Variants in OR52N4 observed in about 807,000 individuals in gnomAD.
The protein encoded by OR52N4 is olfactory receptor family 52 subfamily N member 4.
A neutral mutation model predicts 15.0 loss-of-function variants in OR52N4; 15 were observed. The ratio of observed to expected loss-of-function variants is 1.00; its 90% CI spans 0.67 to 1.54. OR52N4 has a LOEUF of 1.54. Among genes scored for constraint, OR52N4 ranks in the 40% most tolerant of loss-of-function variants. The pLI is 0.00. For synonymous variants in OR52N4, 143 were observed against 143.7 expected, an observed-to-expected ratio of 1.00 and a Z score of 0.03; for missense variants, 421 against 394.0, an observed-to-expected ratio of 1.07 and a Z score of -0.58.
upstream of OR52N4, among the ~76,000 whole-genome samples, chr11:5,753,623 T>C (rs4561239): frequency 0.17 from 26,203 of 151,988 alleles, 2,403 homozygotes; most frequent in East Asian, 0.25. Context: ...AATTTTAAAT[T>C]TTTGTGGGCA....
rs761780145 is a variant in OR52N4, at chr11:5,755,111, G to A, written c.371G>A (p.Arg124His). The change falls in exon 2 of 2, where the codon CGC becomes CAC. Residue 124 changes from arginine to histidine, a missense_variant. By Grantham distance (29) the Arg-to-His change is conservative. Coordinates refer to ENST00000641350, the MANE Select transcript of OR52N4 (RefSeq NM_001005175.5). ...GTGCTTATGCTTATGGCCCTGGATC[G>A]CTATGTGGCCATCTGCTACCCCTTA... ...SGVLMLMALD[R>H]YVAICYPLRY... 1.1e-5 allele frequency: 18 copies of A among 1,613,924 alleles called. No homozygotes were observed. The highest frequency in any genetic ancestry group is 9.3e-5 in the African/African-American group (7 of 74,988).
At chr11:5,748,161 T>TG in the OR52N4 span, among the ~76,000 whole-genome samples, 3 of 152,032 alleles carry the variant, frequency 2.0e-5, no homozygotes, top group African/African-American at 7.2e-5. Context: ...AAATTAAAAT[T>TG]GTAATATTTA....
chr11:5,737,420 C>T, the OR52N4 span: 754 of 1,614,066 alleles, frequency 4.7e-4, 3 homozygotes, highest in African/African-American at 4.5e-3. Flanking sequence ...AGTTTATGCA[C>T]TTCAGACCAA....
chr11:5,751,452 CT>C (rs1854189991), upstream of OR52N4, among the ~76,000 whole-genome samples: 1 of 151,450 alleles, frequency 6.6e-6, no homozygotes, highest in South Asian at 2.1e-4. Flanking sequence ...AAAACTTTCT[CT>C]TTTTTTTCCT....
Position 5,755,608 on chromosome 11 carries a change from A to G in OR52N4, c.868A>G (p.Met290Val). 1 of 1,613,728 alleles carries G rather than the reference A, an allele frequency of 6.2e-7. No homozygotes were observed. Among genetic ancestry groups the G allele is most frequent in the Non-Finnish European group, 8.5e-7 (1 of 1,179,792 alleles). ...ANIYLLLPPT[M>V]NPIVYGVKTK... ...TATTTATCTGCTCCTACCACCCACT[A>G]TGAACCCTATTGTCTATGGGGTGAA... The change falls in exon 2 of 2, where the codon ATG (methionine) becomes GTG (valine). Residue 290 changes from methionine (M) to valine (V), a missense_variant. Coordinates refer to ENST00000641350, the MANE Select transcript of OR52N4 (RefSeq NM_001005175.5).
At chr11:5,752,812 C>T (rs1854217666), upstream of OR52N4, among the ~76,000 whole-genome samples, 2 of 152,112 alleles carry the variant, frequency 1.3e-5, no homozygotes, top group Admixed American at 1.3e-4. Context: ...TTATCACTCT[C>T]TCTCACTTTT....
chr11:5,754,684 T>TTA lies in OR52N4; in HGVS notation c.-48-9_-48-8insTA. 6.7e-7 allele frequency: 1 copy of TTA among 1,487,990 alleles called. No individual in the cohort carries two copies. The highest frequency in any genetic ancestry group is 1.4e-5 in the South Asian group (1 of 71,580). 92.2% of individuals were successfully genotyped at this position (1,487,990 alleles called of 1,614,324 possible). ...CTATATTTTCTCTTGTTTTTTTTTTTAACTCTAGGAAAGCCCAGACAAATT... is the reference window on the plus strand; with the variant it reads ...CTATATTTTCTCTTGTTTTTTTTTTTTAAACTCTAGGAAAGCCCAGACAAATT... On this transcript the variant is annotated splice_polypyrimidine_tract_variant and intron_variant, in intron 1 of 1. Transcript: ENST00000641350.
At chr11:5,749,259 T>A (rs1000492590), upstream of OR52N4, among the ~76,000 whole-genome samples, 33 of 151,966 alleles carry the variant, frequency 2.2e-4, no homozygotes, top group Admixed American at 5.9e-4. Flanking sequence ...CAAAATTTAT[T>A]TTCTGTAGTC....
At chr11:5,734,348 C>A in the OR52N4 span, 1 of 380,000 alleles carries the variant, frequency 2.6e-6, no homozygotes, top group Non-Finnish European at 5.2e-6. Context: ...TGACATTTCT[C>A]TCTGTTTTAG....
chr11:5,739,561 C>CAAAAAA, the OR52N4 span, among the ~76,000 whole-genome samples: 1 of 44,878 alleles, frequency 2.2e-5, no homozygotes, highest in Non-Finnish European at 4.5e-5. Context: ...GACTCTGACT[C>CAAAAAA]AAAAAAAAAA....
chr11:5,745,287 T>C, the OR52N4 span, among the ~76,000 whole-genome samples: 3 of 152,318 alleles, frequency 2.0e-5, no homozygotes, highest in Admixed American at 1.3e-4. Flanking sequence ...TGATCTTATA[T>C]GTAGAAAACC....
At chr11:5,745,343 G>A in the OR52N4 span, among the ~76,000 whole-genome samples, 1 of 152,076 alleles carries the variant, frequency 6.6e-6, no homozygotes, top group African/African-American at 2.4e-5. Flanking sequence ...AGTGACATCG[G>A]TAGCATTTCA....
chr11:5,734,308 T>A, the OR52N4 span: 1 of 417,824 alleles, frequency 2.4e-6, no homozygotes, highest in Middle Eastern at 3.4e-4. Flanking sequence ...CTAAACATTA[T>A]GTTGTTTTGT....
chr11:5,749,730 G>T (rs1227871363), upstream of OR52N4, among the ~76,000 whole-genome samples: 2 of 151,770 alleles, frequency 1.3e-5, no homozygotes, highest in African/African-American at 2.4e-5. Flanking sequence ...GAGAAGTTGG[G>T]TCTACTAGAT....
the OR52N4 span, among the ~76,000 whole-genome samples, chr11:5,746,772 G>C: frequency 6.6e-6 from 1 of 152,004 alleles, no homozygotes; most frequent in Non-Finnish European, 1.5e-5. Context: ...ACCACAGTTT[G>C]AACCATTAGA....
the OR52N4 span, among the ~76,000 whole-genome samples, chr11:5,734,554 A>C: frequency 6.6e-6 from 1 of 151,986 alleles, no homozygotes; most frequent in Non-Finnish European, 1.5e-5. Context: ...ATATAATTGT[A>C]AAAAAAATTA....
chr11:5,738,876 AT>A, the OR52N4 span, among the ~76,000 whole-genome samples: 3 of 64,648 alleles, frequency 4.6e-5, no homozygotes, highest in African/African-American at 1.5e-4. Context: ...ACATGCTCAG[AT>A]TAATGCCATT....
the OR52N4 span, among the ~76,000 whole-genome samples, chr11:5,727,985 C>T: frequency 6.6e-6 from 1 of 152,334 alleles, no homozygotes; most frequent in South Asian, 2.1e-4. Flanking sequence ...GATCCACCAG[C>T]ATCCACAATG....
At chr11:5,736,939 T>C in the OR52N4 span, 4 of 1,614,084 alleles carry the variant, frequency 2.5e-6, no homozygotes, top group Non-Finnish European at 3.4e-6. Flanking sequence ...CTCTTCGCTA[T>C]CCATCAATTG....
Sources: gnomAD v4.1 joint callset for allele counts (sites outside exome capture counted in the v4.1 genomes callset) on GRCh38, gnomAD v4.1.1 for gene constraint, MANE v1.5 for transcripts, NCBI Gene and HGNC (gene_info 2026-07-23, HGNC 2026-07-21) for gene names.